ZNF644: variants seen among roughly 807,000 people sequenced by gnomAD.
ZNF644 encodes the protein zinc finger motif enhancer binding protein 2.
Under a neutral mutation model 108.0 loss-of-function variants are expected in ZNF644, and 20 were observed. The ratio of observed to expected loss-of-function variants is 0.19; its 90% CI spans 0.13 to 0.27. The LOEUF is 0.27. Ranked by LOEUF, ZNF644 falls within the 10% of genes least tolerant of loss-of-function variation. The probability of loss-of-function intolerance (pLI) is 1.00; values close to 1 mark genes in which losing one functional copy is unlikely to be tolerated. For missense variants in ZNF644, 1,338 were observed against 1,548.9 expected (o/e 0.86, Z 2.29); for synonymous variants, 542 against 539.1 (o/e 1.01, Z -0.08).
At chr1:90,968,983 C>T (rs903484970) in intron 2 of ZNF644, among the ~76,000 whole-genome samples, 1 of 152,144 alleles carries the variant, frequency 6.6e-6, no homozygotes, top group Non-Finnish European at 1.5e-5. Flanking sequence ...TCAAAGTCAT[C>T]ATTTTTGGCA....
intron 2 of ZNF644, 141 bp downstream of exon 2, chr1:90,982,169 T>C (rs1656614592): frequency 3.0e-6 from 2 of 658,738 alleles, no homozygotes; most frequent in Non-Finnish European, 5.3e-6. Flanking sequence ...ACCAAGTGTG[T>C]CAAAAAGTCA....
At chr1:90,996,644 GT>G (rs907130353) in intron 1 of ZNF644, among the ~76,000 whole-genome samples, 3 of 152,158 alleles carry the variant, frequency 2.0e-5, no homozygotes, top group African/African-American at 7.2e-5. Flanking sequence ...AATTAGGCAT[GT>G]TGGCATGCAT....
chr1:90,963,027 T>A (rs1175057546), intron 2 of ZNF644, among the ~76,000 whole-genome samples: 1 of 152,102 alleles, frequency 6.6e-6, no homozygotes, highest in Non-Finnish European at 1.5e-5. Flanking sequence ...CAAAGTGGAA[T>A]GTATATATTT....
At chr1:90,924,757 TTTTAGC>T (rs1432805078) in intron 4 of ZNF644, among the ~76,000 whole-genome samples, 3 of 152,144 alleles carry the variant, frequency 2.0e-5, no homozygotes, top group African/African-American at 7.2e-5. Flanking sequence ...ATATTTTCTG[TTTTAGC>T]CAACTTCCAG....
chr1:90,997,864 C>A (rs1658308245), intron 1 of ZNF644, among the ~76,000 whole-genome samples: 1 of 152,200 alleles, frequency 6.6e-6, no homozygotes, highest in Non-Finnish European at 1.5e-5. Context: ...TGCGCTTTTC[C>A]AATGGTCTTA....
intron 2 of ZNF644, among the ~76,000 whole-genome samples, chr1:90,942,011 C>T (rs1282242269): frequency 1.3e-5 from 2 of 152,020 alleles, no homozygotes; most frequent in East Asian, 3.9e-4. Context: ...TTAACCTTAA[C>T]TATAATTTTA....
chr1:90,944,831 ACTT>A (rs1304510329), intron 2 of ZNF644, among the ~76,000 whole-genome samples: 6 of 152,062 alleles, frequency 3.9e-5, no homozygotes, highest in Non-Finnish European at 8.8e-5. Context: ...CTCCAAATAT[ACTT>A]CTTCTTAGTA....
At chr1:91,004,701 A>G (rs1402753631) in intron 1 of ZNF644, among the ~76,000 whole-genome samples, 2 of 152,178 alleles carry the variant, frequency 1.3e-5, no homozygotes, top group African/African-American at 4.8e-5. Flanking sequence ...GCACGAAGGA[A>G]GGAGAGGGAA....
chr1:90,983,527 A>G (rs1160269279), intron 1 of ZNF644, among the ~76,000 whole-genome samples: 1 of 151,944 alleles, frequency 6.6e-6, no homozygotes, highest in African/African-American at 2.4e-5. Flanking sequence ...GATATGATTA[A>G]ATTAAGGATC....
intron 1 of ZNF644, 21 bp from the exon 2 acceptor site, chr1:90,982,391 G>A: frequency 6.3e-7 from 1 of 1,587,662 alleles, no homozygotes; most frequent in Non-Finnish European, 8.6e-7. Context: ...TACACACAAT[G>A]ACCAAGGTTT....
intron 2 of ZNF644, among the ~76,000 whole-genome samples, chr1:90,974,120 A>G (rs970635530): frequency 1.1e-4 from 17 of 152,120 alleles, no homozygotes; most frequent in African/African-American, 3.9e-4. Context: ...GTTTATCACC[A>G]TTAGATCATA....
chr1:90,916,436 G>T lies in ZNF644; in HGVS notation c.*362C>A. 1 of 215,832 alleles carries T rather than the reference G, an allele frequency of 4.6e-6. No individual in the cohort carries two copies. 13.4% of individuals were successfully genotyped at this position (215,832 alleles called of 1,614,324 possible). On this transcript the variant is annotated 3_prime_UTR_variant, in exon 6 of 6. Transcript: ENST00000337393. ...TTATTTTTCTATGCAAGTCTTGTGG[G>T]GAATAAACAGAGCCTTGATTCTGGT... is the stretch of plus-strand genomic sequence containing the variant.
intron 2 of ZNF644, among the ~76,000 whole-genome samples, chr1:90,977,193 T>C (rs536141368): frequency 1.3e-5 from 2 of 152,136 alleles, no homozygotes; most frequent in Non-Finnish European, 2.9e-5. Flanking sequence ...TTAAGCAGTC[T>C]GCTATCAATC....
intron 2 of ZNF644, among the ~76,000 whole-genome samples, chr1:90,942,070 T>TA (rs1237241330): frequency 2.0e-5 from 3 of 152,152 alleles, no homozygotes; most frequent in African/African-American, 4.8e-5. Flanking sequence ...TTAACTTTAC[T>TA]AAAGTTAAAA....
At chr1:91,000,232 T>C (rs147209400) in intron 1 of ZNF644, among the ~76,000 whole-genome samples, 240 of 152,280 alleles carry the variant, frequency 1.6e-3, no homozygotes, top group Middle Eastern at 0.01. Context: ...CAACAGAATA[T>C]ACATTCTTTT....
intron 2 of ZNF644, among the ~76,000 whole-genome samples, chr1:90,966,989 A>C (rs1458248222): frequency 6.6e-6 from 1 of 152,120 alleles, no homozygotes; most frequent in Non-Finnish European, 1.5e-5. Flanking sequence ...TCCCCTTTCT[A>C]ATCATTTTCT....
chr1:90,946,053 T>G (rs1652482869), intron 2 of ZNF644, among the ~76,000 whole-genome samples: 2 of 152,236 alleles, frequency 1.3e-5, no homozygotes, highest in South Asian at 4.1e-4. Context: ...ACAACTTCAG[T>G]TAGTAATGTA....
intron 4 of ZNF644, among the ~76,000 whole-genome samples, chr1:90,934,778 C>T (rs1032808634): frequency 6.6e-6 from 1 of 152,060 alleles, no homozygotes; most frequent in African/African-American, 2.4e-5. Flanking sequence ...ATTATTAAGG[C>T]TCACCCCTTC....
At chr1:90,918,226 G>C in intron 4 of ZNF644, 72 bp from the exon 5 acceptor site, 3 of 1,275,818 alleles carry the variant, frequency 2.4e-6, no homozygotes, top group Non-Finnish European at 3.4e-6. Flanking sequence ...TATTTTTCTA[G>C]AGAGGTCAGA....
Sources: gnomAD v4.1 joint callset for allele counts (sites outside exome capture counted in the v4.1 genomes callset) on GRCh38, gnomAD v4.1.1 for gene constraint, MANE v1.5 for transcripts, NCBI Gene and HGNC (gene_info 2026-07-23, HGNC 2026-07-21) for gene names.